Variants in EPRS1 observed in about 807,000 individuals in gnomAD.
The protein encoded by EPRS1 is bifunctional glutamate/proline--tRNA ligase.
A neutral mutation model predicts 188.3 loss-of-function variants in EPRS1; 107 were observed. The observed-to-expected ratio is 0.57, with a 90% CI of 0.49 to 0.67. The LOEUF is 0.67. Ranked by LOEUF, EPRS1 falls within the 30% of genes least tolerant of loss-of-function variation. The pLI is 0.00. For missense variants in EPRS1, 1,577 were observed against 1,802.2 expected, an observed-to-expected ratio of 0.88 and a Z score of 2.26; for synonymous variants, 596 against 593.1, an observed-to-expected ratio of 1.00 and a Z score of -0.07.
chr1:219,982,740 G>C (rs745706124), intron 23 of EPRS1, 32 bp downstream of exon 23: 3 of 1,566,884 alleles, frequency 1.9e-6, no homozygotes, highest in Non-Finnish European at 2.6e-6. Context: ...CGTTCAGTGA[G>C]CATTCTCTTG....
intron 30 of EPRS1, among the ~76,000 whole-genome samples, chr1:219,971,181 G>A (rs1360695824): frequency 6.6e-6 from 1 of 152,088 alleles, no homozygotes; most frequent in Non-Finnish European, 1.5e-5. Flanking sequence ...TTTCTCACTT[G>A]TAACCTGAGG....
chr1:220,022,843 T>C (rs1661904161), intron 8 of EPRS1, among the ~76,000 whole-genome samples: 2 of 152,226 alleles, frequency 1.3e-5, no homozygotes, highest in Non-Finnish European at 2.9e-5. Context: ...CTTCCCATCA[T>C]GGCACAACGG....
intron 18 of EPRS1, 92 bp from the exon 19 acceptor site, chr1:219,988,915 C>A: frequency 1.4e-6 from 1 of 730,862 alleles, no homozygotes; most frequent in South Asian, 1.9e-5. Flanking sequence ...ATCAGCAAAT[C>A]ATTCCCATAA....
At chr1:220,003,779 C>T (rs183360536) in intron 16 of EPRS1, among the ~76,000 whole-genome samples, 94 of 152,172 alleles carry the variant, frequency 6.2e-4, no homozygotes, top group African/African-American at 2.1e-3. Flanking sequence ...TGTATGCATG[C>T]GTGAGCTTAT....
intron 2 of EPRS1, among the ~76,000 whole-genome samples, chr1:220,036,692 G>A (rs1254492149): frequency 6.6e-6 from 1 of 152,084 alleles, no homozygotes; most frequent in East Asian, 1.9e-4. Context: ...GGTGGATGTT[G>A]GGAGGAGGGA....
intron 12 of EPRS1, among the ~76,000 whole-genome samples, chr1:220,016,128 G>A (rs1425700270): frequency 5.3e-5 from 8 of 152,154 alleles, no homozygotes; most frequent in Admixed American, 1.3e-4. Flanking sequence ...GGCGGATCAC[G>A]AGGTCGGGAG....
In EPRS1 at chr1:219,987,352, T is replaced by A; in HGVS notation, c.2828A>T (p.Lys943Met). 1 of 1,613,638 alleles carries A rather than the reference T, an allele frequency of 6.2e-7. No homozygotes were observed. Among genetic ancestry groups the A allele is most frequent in the Admixed American group, 1.7e-5 (1 of 59,982 alleles). Residue 943 changes from lysine (K) to methionine (M), a missense_variant, in exon 20 of 32, where the codon AAG becomes ATG. Physicochemically the swap from Lys to Met is moderately conservative, Grantham distance 95. Around this residue, in one of 3 missense-constraint regions of EPRS1, gnomAD observed 1,278 missense variants for 1,457.4 expected, o/e 0.88. Transcript: ENST00000366923. Reference sequence around the variant, plus strand: ...CTTATACTCTACTCCTATCAAAGACTTGTACTGTGCCTTTAGCTGAAGGAG... The same window carrying A: ...CTTATACTCTACTCCTATCAAAGACATGTACTGTGCCTTTAGCTGAAGGAG... The part of the protein sequence containing the change: ...QELLQLKAQY[K>M]SLIGVEYKPV...
At chr1:220,018,551 A>C in intron 11 of EPRS1, 43 bp from the exon 12 acceptor site, 1 of 1,315,208 alleles carries the variant, frequency 7.6e-7, no homozygotes, top group Non-Finnish European at 1.1e-6. Flanking sequence ...AAGCAGTATT[A>C]ATTAGAACTT....
chr1:220,009,588 G>C lies in EPRS1; in HGVS notation c.1605+1358C>G, dbSNP rs547959581. Among the ~76,000 whole-genome samples the C allele has an allele frequency of 2.0e-5, 3 of 152,090 alleles. No individual in the cohort carries two copies. The East Asian group carries it at 5.8e-4, about 30-fold the overall frequency. On this transcript the variant is annotated intron_variant, in intron 13 of 31. Coordinates refer to ENST00000366923, the MANE Select transcript of EPRS1 (RefSeq NM_004446.3). ...TGTAGTCCCAGGTATTCAGGATGCT[G>C]AGGTGGAAGGATCACTTGAGACCAA...
At chr1:220,014,075 C>T (rs1661655102) in intron 12 of EPRS1, among the ~76,000 whole-genome samples, 1 of 152,158 alleles carries the variant, frequency 6.6e-6, no homozygotes, top group African/African-American at 2.4e-5. Flanking sequence ...CGCCTGTAAT[C>T]CCAGCACTTT....
chr1:220,035,894 C>A (rs1662167147), intron 2 of EPRS1, among the ~76,000 whole-genome samples: 2 of 151,972 alleles, frequency 1.3e-5, no homozygotes, highest in South Asian at 4.1e-4. Context: ...GAAGGCAGAT[C>A]AAACCTCATC....
intron 18 of EPRS1, among the ~76,000 whole-genome samples, chr1:219,994,033 C>T (rs776461761): frequency 2.6e-5 from 4 of 152,074 alleles, no homozygotes; most frequent in Admixed American, 6.5e-5. Context: ...TATTAGCATT[C>T]GGAGAAAAAA....
At chr1:220,029,746 CA>C (rs1662051980) in intron 6 of EPRS1, among the ~76,000 whole-genome samples, 1 of 152,180 alleles carries the variant, frequency 6.6e-6, no homozygotes, top group Admixed American at 6.5e-5. Context: ...CAGTATACTT[CA>C]AATAGGATGA....
At chr1:220,025,364 G>C (rs928837648) in intron 6 of EPRS1, 106 bp from the exon 7 acceptor site, 1 of 697,256 alleles carries the variant, frequency 1.4e-6, no homozygotes, top group Non-Finnish European at 2.2e-6. Context: ...CCTTCTAATT[G>C]GTACCCAAGT....
chr1:220,042,472 G>A (rs1484665074), intron 1 of EPRS1, among the ~76,000 whole-genome samples: 6 of 147,110 alleles, frequency 4.1e-5, no homozygotes, highest in Admixed American at 1.4e-4. Flanking sequence ...CAACAAGAAT[G>A]AAACCCCATC....
rs1329735008 is a variant in EPRS1, at chr1:220,001,251, A to G, written c.2068T>C (p.Tyr690His). ...CDQPYEPVSP[Y>H]SCKEAPCVLI... ...ACACACGGGGCTTCCTTGCAACTAT[A>G]TGGGCTAAAAAGAAAATAAAGGGAC... The change falls in exon 17 of 32, where the codon TAT (tyrosine) becomes CAT (histidine). Residue 690 changes from tyrosine (Y) to histidine (H), a missense_variant. Tyr to His is a moderately conservative substitution (Grantham distance 83). Transcript: ENST00000366923. 7 of 1,591,928 alleles carry G rather than the reference A, an allele frequency of 4.4e-6. No individual in the cohort carries two copies. Among genetic ancestry groups the G allele is most frequent in the Non-Finnish European group, 6.0e-6 (7 of 1,159,906 alleles).
chr1:219,998,092 A>G (rs1661271345), intron 17 of EPRS1, among the ~76,000 whole-genome samples: 1 of 152,174 alleles, frequency 6.6e-6, no homozygotes, highest in African/African-American at 2.4e-5. Flanking sequence ...AAACCCTTCT[A>G]ACATTAAAAC....
intron 3 of EPRS1, 54 bp downstream of exon 3, chr1:220,034,860 T>C (rs752247450): frequency 1.8e-5 from 18 of 988,684 alleles, no homozygotes; most frequent in Middle Eastern, 2.1e-4. Flanking sequence ...GAGGTTCCCA[T>C]AAAAAAACAG....
At chr1:219,977,105 T>C (rs944759154) in intron 28 of EPRS1, among the ~76,000 whole-genome samples, 1 of 152,278 alleles carries the variant, frequency 6.6e-6, no homozygotes, top group South Asian at 2.1e-4. Flanking sequence ...CTTTGGTCAA[T>C]CGCTGTCAAA....
Sources: allele counts gnomAD v4.1 joint callset (sites outside exome capture counted in the v4.1 genomes callset), GRCh38; gene constraint gnomAD v4.1.1; regional missense constraint gnomAD v4.1.1; transcripts MANE v1.5; gene names NCBI Gene and HGNC (gene_info 2026-07-23, HGNC 2026-07-21).